MEOX2: variants seen among roughly 807,000 people sequenced by gnomAD.
MEOX2 encodes the protein homeobox protein MOX-2.
In MEOX2, 11 loss-of-function variants were observed where a neutral mutation model predicts 27.0. The observed-to-expected ratio is 0.41, with a 90% confidence interval of 0.26 to 0.68. The LOEUF is 0.68. Among genes scored for constraint, MEOX2 ranks in the 30% least tolerant of loss-of-function variants. The pLI, the probability that MEOX2 is intolerant of heterozygous loss-of-function variation, is 0.33. For missense variants in MEOX2, 436 were observed against 385.4 expected (o/e 1.13, Z -1.10); for synonymous variants, 189 against 155.4 (o/e 1.22, Z -1.61).
chr7:15,620,801 G>T (rs1781210726), intron 2 of MEOX2, among the ~76,000 whole-genome samples: 1 of 152,152 alleles, frequency 6.6e-6, no homozygotes, highest in Non-Finnish European at 1.5e-5. Context: ...CTTGGCAGAA[G>T]TATCATTAAT....
chr7:15,657,746 G>C (rs1781847468), intron 1 of MEOX2, among the ~76,000 whole-genome samples: 1 of 152,132 alleles, frequency 6.6e-6, no homozygotes, highest in East Asian at 1.9e-4. Flanking sequence ...TTCAACTTTA[G>C]ATTTACCTAG....
intron 1 of MEOX2, among the ~76,000 whole-genome samples, chr7:15,627,173 C>T (rs1021089466): frequency 6.6e-6 from 1 of 151,888 alleles, no homozygotes; most frequent in African/African-American, 2.4e-5. Context: ...TTAACAAAAC[C>T]TTTAACTGCT....
chr7:15,623,585 G>T (rs1186199588), intron 2 of MEOX2, among the ~76,000 whole-genome samples: 1 of 152,126 alleles, frequency 6.6e-6, no homozygotes, highest in African/African-American at 2.4e-5. Context: ...GGCCAGGCTG[G>T]TCTTGAACCC....
chr7:15,635,275 ACTC>A (rs1053198677), intron 1 of MEOX2, among the ~76,000 whole-genome samples: 4 of 151,912 alleles, frequency 2.6e-5, no homozygotes, highest in Admixed American at 1.3e-4. Flanking sequence ...CATTTTATGA[ACTC>A]CTGAAATATC....
At chr7:15,640,667 A>T (rs1472962530) in intron 1 of MEOX2, among the ~76,000 whole-genome samples, 1 of 152,158 alleles carries the variant, frequency 6.6e-6, no homozygotes, top group Non-Finnish European at 1.5e-5. Context: ...TGGGTTTGTC[A>T]TACATGGCTC....
At chr7:15,644,384 T>C (rs1240163354) in intron 1 of MEOX2, among the ~76,000 whole-genome samples, 4 of 152,204 alleles carry the variant, frequency 2.6e-5, no homozygotes, top group Admixed American at 2.0e-4. Context: ...CTTTTACCCC[T>C]TATGATAGAA....
intron 1 of MEOX2, among the ~76,000 whole-genome samples, chr7:15,663,478 G>A (rs766186071): frequency 1.3e-5 from 2 of 149,732 alleles, no homozygotes; most frequent in Admixed American, 6.7e-5. Flanking sequence ...GGTTACAGGC[G>A]CATGCCACCA....
intron 1 of MEOX2, among the ~76,000 whole-genome samples, chr7:15,642,210 A>G (rs1781573200): frequency 6.6e-6 from 1 of 152,124 alleles, no homozygotes; most frequent in South Asian, 2.1e-4. Flanking sequence ...ATGTTTTCCA[A>G]GTTAGTTACT....
intron 1 of MEOX2, among the ~76,000 whole-genome samples, chr7:15,637,193 G>A (rs756275785): frequency 6.6e-6 from 1 of 151,922 alleles, no homozygotes; most frequent in Non-Finnish European, 1.5e-5. Context: ...ACCTATTTCT[G>A]ATCTCTGCCA....
At chr7:15,658,703 T>C (rs1781863157) in intron 1 of MEOX2, among the ~76,000 whole-genome samples, 4 of 152,044 alleles carry the variant, frequency 2.6e-5, no homozygotes, top group Admixed American at 2.6e-4. Flanking sequence ...AGGAACAGGA[T>C]TTGCACCCTT....
At position 15,611,528 on chromosome 7, in the gene MEOX2, T is replaced by C. The variant is rs1781030394; in HGVS notation, c.*859A>G. ...AAGGTAACTGATTTGCCTATGATCC[T>C]AATTGTTTTAAGCTATAAGATAGGA... On this transcript the variant is annotated 3_prime_UTR_variant, in exon 3 of 3. Transcript: ENST00000262041. 3 of 152,646 alleles carry C rather than the reference T, an allele frequency of 2.0e-5. No individual in the cohort carries two copies. The highest frequency in any genetic ancestry group is 2.0e-4 in the Admixed American group (3 of 15,282). The allele number at this position is 152,646 out of a possible 1,614,324, so 9.5% of individuals were successfully genotyped here.
chr7:15,666,537 A>T (rs1782006097), intron 1 of MEOX2, among the ~76,000 whole-genome samples: 1 of 151,808 alleles, frequency 6.6e-6, no homozygotes, highest in Non-Finnish European at 1.5e-5. Flanking sequence ...GCAGATCATA[A>T]GGTCAGGAGT....
At chr7:15,646,759 T>C (rs1214216569) in intron 1 of MEOX2, among the ~76,000 whole-genome samples, 1 of 151,950 alleles carries the variant, frequency 6.6e-6, no homozygotes, top group Non-Finnish European at 1.5e-5. Context: ...GACATAAAAC[T>C]AATGTTCAGA....
chr7:15,629,071 T>C (rs1562598289), intron 1 of MEOX2, among the ~76,000 whole-genome samples: 2 of 152,110 alleles, frequency 1.3e-5, no homozygotes, highest in South Asian at 2.1e-4. Context: ...CAGCACACTT[T>C]TTCTCATGAG....
chr7:15,657,439 C>G (rs1781841060), intron 1 of MEOX2, among the ~76,000 whole-genome samples: 1 of 151,992 alleles, frequency 6.6e-6, no homozygotes, highest in African/African-American at 2.4e-5. Context: ...TTCACATTCT[C>G]CAGTTTTTCC....
At chr7:15,626,020 A>G (rs1052839617) in intron 2 of MEOX2, among the ~76,000 whole-genome samples, 1 of 152,168 alleles carries the variant, frequency 6.6e-6, no homozygotes, top group Non-Finnish European at 1.5e-5. Flanking sequence ...ATATTTACCA[A>G]TGATCTATGT....
intron 2 of MEOX2, among the ~76,000 whole-genome samples, chr7:15,612,989 T>G (rs1473086607): frequency 6.6e-6 from 1 of 152,208 alleles, no homozygotes; most frequent in Non-Finnish European, 1.5e-5. Context: ...TCTTCTTTGA[T>G]TTGACATCCA....
intron 1 of MEOX2, among the ~76,000 whole-genome samples, chr7:15,636,919 T>A (rs908249766): frequency 6.6e-6 from 1 of 151,938 alleles, no homozygotes; most frequent in African/African-American, 2.4e-5. Context: ...AATCCATTCA[T>A]GGGAGTGAAA....
intron 1 of MEOX2, among the ~76,000 whole-genome samples, chr7:15,670,995 A>G (rs1464974611): frequency 6.6e-6 from 1 of 152,228 alleles, no homozygotes; most frequent in Non-Finnish European, 1.5e-5. Flanking sequence ...TAATTGGGAC[A>G]CTATGAGGCA....
Sources: allele counts gnomAD v4.1 joint callset (sites outside exome capture counted in the v4.1 genomes callset), GRCh38; gene constraint gnomAD v4.1.1; transcripts MANE v1.5; gene names NCBI Gene and HGNC (gene_info 2026-07-23, HGNC 2026-07-21).